Variants in LARGE1 observed in about 807,000 individuals in gnomAD.
The protein encoded by LARGE1 is LARGE xylosyl- and glucuronyltransferase 1.
Under a neutral mutation model 87.6 loss-of-function variants are expected in LARGE1, and 43 were observed. That is an observed-to-expected ratio of 0.49 (90% CI 0.38 to 0.63). The LOEUF (loss-of-function observed/expected upper bound fraction) is 0.63. Among genes scored for constraint, LARGE1 ranks in the 30% least tolerant of loss-of-function variants. The probability of loss-of-function intolerance (pLI) is 0.00; values close to 1 mark genes in which losing one functional copy is unlikely to be tolerated. For missense variants in LARGE1, 802 were observed against 1,000.2 expected, an observed-to-expected ratio of 0.80 and a Z score of 2.67; for synonymous variants, 434 against 394.6, an observed-to-expected ratio of 1.10 and a Z score of -1.18.
At chr22:33,903,769 G>A (rs2065353965) in intron 1 of LARGE1, among the ~76,000 whole-genome samples, 2 of 152,140 alleles carry the variant, frequency 1.3e-5, no homozygotes, top group Non-Finnish European at 2.9e-5. Context: ...AGGTTGCAGT[G>A]AACCAAGATC....
the LARGE1 span, among the ~76,000 whole-genome samples, chr22:33,089,368 T>TCTTCTTCTTCTTCTTCTC: frequency 2.3e-4 from 18 of 78,212 alleles, 1 homozygote; most frequent in Non-Finnish European, 4.5e-4. Context: ...TTCTTCTTCT[T>TCTTCTTCTTCTTCTTCTC]CTCCTTCTTC....
At chr22:33,314,302 C>A (rs982839060) in intron 11 of LARGE1, among the ~76,000 whole-genome samples, 3 of 152,114 alleles carry the variant, frequency 2.0e-5, no homozygotes, top group Non-Finnish European at 4.4e-5. Flanking sequence ...CCCAAGAGAC[C>A]GCCGGCCCCT....
At chr22:33,743,187 GC>G (rs1279334928) in intron 2 of LARGE1, 4 of 152,028 alleles carry the variant, frequency 2.6e-5, no homozygotes, top group African/African-American at 9.7e-5. Flanking sequence ...TGCCTGTATA[GC>G]CTACACAACC....
chr22:33,284,547 T>C (rs1295022032), intron 12 of LARGE1, among the ~76,000 whole-genome samples: 1 of 151,718 alleles, frequency 6.6e-6, no homozygotes, highest in African/African-American at 2.4e-5. Context: ...TGGAGAGCCA[T>C]CCACGGCCAA....
At chr22:33,489,264 A>C (rs555086931) in intron 6 of LARGE1, among the ~76,000 whole-genome samples, 1 of 152,218 alleles carries the variant, frequency 6.6e-6, no homozygotes, top group Non-Finnish European at 1.5e-5. Flanking sequence ...GTGGTCGTGG[A>C]GGGAGAGGGA....
chr22:33,329,815 T>C (rs946150485), intron 10 of LARGE1, among the ~76,000 whole-genome samples: 1 of 152,184 alleles, frequency 6.6e-6, no homozygotes, highest in Non-Finnish European at 1.5e-5. Flanking sequence ...GTTCCTTTAG[T>C]TGGAAATTCC....
intron 6 of LARGE1, among the ~76,000 whole-genome samples, chr22:33,538,066 G>A (rs570913098): frequency 6.6e-6 from 1 of 152,118 alleles, no homozygotes; most frequent in Non-Finnish European, 1.5e-5. Context: ...CACATCCACA[G>A]GTCATGGTGC....
intron 1 of LARGE1, among the ~76,000 whole-genome samples, chr22:33,791,028 A>G (rs1389474065): frequency 6.6e-6 from 1 of 152,210 alleles, no homozygotes; most frequent in East Asian, 1.9e-4. Context: ...CACAAACACA[A>G]ATTTCTTAAG....
intron 4 of LARGE1, among the ~76,000 whole-genome samples, chr22:33,611,100 G>C (rs1455428552): frequency 1.3e-5 from 2 of 152,352 alleles, no homozygotes; most frequent in East Asian, 3.9e-4. Context: ...GAGCCCACCA[G>C]AGATGTTCTA....
intron 6 of LARGE1, among the ~76,000 whole-genome samples, chr22:33,553,913 C>CT (rs1180094939): frequency 6.6e-6 from 1 of 152,052 alleles, no homozygotes. Context: ...CCCTGTGTGT[C>CT]TAAGAAAGAC....
At chr22:33,529,037 C>T (rs994267723) in intron 6 of LARGE1, among the ~76,000 whole-genome samples, 1 of 152,198 alleles carries the variant, frequency 6.6e-6, no homozygotes, top group Non-Finnish European at 1.5e-5. Context: ...TCCCTTATCT[C>T]ACTCCCTACA....
intron 10 of LARGE1, among the ~76,000 whole-genome samples, chr22:33,320,352 A>C (rs755826966): frequency 4.0e-5 from 6 of 151,544 alleles, no homozygotes; most frequent in East Asian, 1.9e-4. Flanking sequence ...AAAACCTTCC[A>C]TTTACCTTTC....
chr22:33,245,123 T>A (rs994341128), intron 11 of LARGE1, among the ~76,000 whole-genome samples: 1 of 152,180 alleles, frequency 6.6e-6, no homozygotes, highest in Non-Finnish European at 1.5e-5. Flanking sequence ...CATTATTAAC[T>A]AAACTGAATG....
chr22:33,377,026 G>C (rs987609762), intron 9 of LARGE1, among the ~76,000 whole-genome samples: 1 of 152,194 alleles, frequency 6.6e-6, no homozygotes, highest in African/African-American at 2.4e-5. Flanking sequence ...CTGGCACTGA[G>C]AGACATGAAA....
chr22:33,565,648 C>T (rs771409852), intron 5 of LARGE1, among the ~76,000 whole-genome samples: 24 of 151,408 alleles, frequency 1.6e-4, no homozygotes, highest in Non-Finnish European at 2.9e-4. Flanking sequence ...CTAGTCATCA[C>T]GTGACACTCT....
chr22:33,850,226 A>ATAACAT (rs1568985153), intron 1 of LARGE1, among the ~76,000 whole-genome samples: 1 of 152,218 alleles, frequency 6.6e-6, no homozygotes, highest in African/African-American at 2.4e-5. Context: ...AGCAGCAGCA[A>ATAACAT]TAACACGGCC....
chr22:33,070,041 C>T, the LARGE1 span, among the ~76,000 whole-genome samples: 8 of 152,268 alleles, frequency 5.3e-5, no homozygotes, highest in South Asian at 1.0e-3. Flanking sequence ...AGACTGATCT[C>T]GAACTCCCGA....
intron 11 of LARGE1, among the ~76,000 whole-genome samples, chr22:33,258,405 A>G (rs557114259): frequency 6.6e-6 from 1 of 152,304 alleles, no homozygotes; most frequent in East Asian, 1.9e-4. Context: ...TGGGTAAAGG[A>G]GCAAAGGCCA....
In LARGE1 at chr22:33,474,242, C is replaced by T. The variant is rs2068977519; in HGVS notation, c.788-41977G>A. Among the ~76,000 whole-genome samples the T allele has an allele frequency of 2.0e-5, 3 of 152,314 alleles. No homozygotes were observed. In the South Asian group the frequency reaches 6.2e-4, roughly 32 times the overall value. ...GCAATGGTGCAATCTCGGCTCACTGCAACCTCCGCCTCCCAGGTTCAAGTG... is the reference window on the plus strand; with the variant it reads ...GCAATGGTGCAATCTCGGCTCACTGTAACCTCCGCCTCCCAGGTTCAAGTG... On this transcript the variant is annotated intron_variant, in intron 6 of 14. Coordinates refer to ENST00000397394, the MANE Select transcript of LARGE1 (RefSeq NM_133642.5).
Sources: gnomAD v4.1 joint callset for allele counts (sites outside exome capture counted in the v4.1 genomes callset) on GRCh38, gnomAD v4.1.1 for gene constraint, MANE v1.5 for transcripts, NCBI Gene and HGNC (gene_info 2026-07-23, HGNC 2026-07-21) for gene names.